The following MYH13 variants were observed in gnomAD, a reference collection of about 807,000 sequenced individuals.
The protein encoded by MYH13 is myosin-13.
Under a neutral mutation model 232.1 loss-of-function variants are expected in MYH13, and 177 were observed. The observed-to-expected ratio is 0.76, with a 90% CI of 0.67 to 0.86. MYH13 has a LOEUF of 0.86. Ranked by LOEUF, MYH13 falls within the 40% of genes least tolerant of loss-of-function variation. The probability of loss-of-function intolerance (pLI) is 0.00; values close to 1 mark genes in which losing one functional copy is unlikely to be tolerated. For missense variants in MYH13, 2,246 were observed against 2,405.9 expected (o/e 0.93, Z 1.39); for synonymous variants, 884 against 923.5 (o/e 0.96, Z 0.78).
rs750021880 is a variant in MYH13 at position 10,344,020 on chromosome 17, A to T, written c.1674T>A (p.His558Gln). 1.5e-5 allele frequency: 24 copies of T among 1,614,120 alleles called. No individual in the cohort carries two copies. The East Asian group carries it at 4.5e-4, about 30-fold the overall frequency. ...TCTGGAAGTTGTTGGATTTTCCAAG[A>T]TGCTGGTCATACAGCTTGTTCTTGA... ...TSFKNKLYDQHLGKSNNFQKP... is the reference protein window; with the variant it reads ...TSFKNKLYDQQLGKSNNFQKP... The change falls in exon 16 of 41, where the codon CAT becomes CAA. Residue 558 changes from histidine (H) to glutamine (Q), a missense_variant. Physicochemically the swap from His to Gln is conservative, Grantham distance 24 (BLOSUM62 0). Coordinates refer to ENST00000252172, the MANE Select transcript of MYH13 (RefSeq NM_003802.3).
chr17:10,349,748 A>G (rs1040564668), intron 12 of MYH13, among the ~76,000 whole-genome samples: 2 of 152,164 alleles, frequency 1.3e-5, no homozygotes, highest in Non-Finnish European at 2.9e-5. Context: ...GTTGGTAAGC[A>G]TTTATGGGAC....
chr17:10,364,596 G>T, intron 2 of MYH13, 54 bp from the exon 3 acceptor site: 1 of 1,441,068 alleles, frequency 6.9e-7, no homozygotes, highest in Non-Finnish European at 9.5e-7. Flanking sequence ...TGCTGAAGCT[G>T]CAGGGCCCCT....
chr17:10,361,121 G>A (rs879329444), intron 5 of MYH13, among the ~76,000 whole-genome samples: 1 of 152,134 alleles, frequency 6.6e-6, no homozygotes, highest in Non-Finnish European at 1.5e-5. Context: ...AGAAATTGTG[G>A]TATTAGTCTT....
At chr17:10,319,450 A>G (rs914472096) in intron 26 of MYH13, among the ~76,000 whole-genome samples, 22 of 151,356 alleles carry the variant, frequency 1.5e-4, no homozygotes, top group Admixed American at 2.7e-4. Flanking sequence ...TGGAGGTTGC[A>G]GTGAGCTGAG....
chr17:10,365,879 GTGTGTGTA>G (rs2071831708), intron 2 of MYH13, among the ~76,000 whole-genome samples: 1 of 145,456 alleles, frequency 6.9e-6, no homozygotes, highest in Admixed American at 6.8e-5. Context: ...GTGTGTGTGT[GTGTGTGTA>G]TGGGGCTGTG....
chr17:10,322,694 C>T (rs1053491668), intron 23 of MYH13, among the ~76,000 whole-genome samples: 46 of 137,290 alleles, frequency 3.4e-4, no homozygotes, highest in African/African-American at 5.2e-4. Flanking sequence ...AGTGCAGTGG[C>T]GCAGTCTCAG....
At chr17:10,366,148 A>G (rs1453305190) in intron 2 of MYH13, among the ~76,000 whole-genome samples, 1 of 151,960 alleles carries the variant, frequency 6.6e-6, no homozygotes, top group Non-Finnish European at 1.5e-5. Context: ...AGGTTCCCGT[A>G]AGTCCTGTGT....
At chr17:10,302,203 G>A (rs554533515) in intron 39 of MYH13, among the ~76,000 whole-genome samples, 3 of 152,240 alleles carry the variant, frequency 2.0e-5, no homozygotes, top group South Asian at 2.1e-4. Flanking sequence ...TCCCATGTGC[G>A]TGAATTGCTC....
At chr17:10,334,672 A>C (rs1907528538) in intron 18 of MYH13, among the ~76,000 whole-genome samples, 1 of 152,058 alleles carries the variant, frequency 6.6e-6, no homozygotes, top group Non-Finnish European at 1.5e-5. Flanking sequence ...TGAGGTCAGG[A>C]GTTCAAGACC....
At chr17:10,355,822 G>C (rs555828036) in intron 8 of MYH13, among the ~76,000 whole-genome samples, 1 of 102,878 alleles carries the variant, frequency 9.7e-6, no homozygotes, top group Non-Finnish European at 1.9e-5. Flanking sequence ...GGATTGTTCT[G>C]TCTGACTTTT....
chr17:10,344,734 T>G (rs949941046), intron 15 of MYH13, among the ~76,000 whole-genome samples: 3 of 147,932 alleles, frequency 2.0e-5, no homozygotes, highest in Non-Finnish European at 4.4e-5. Flanking sequence ...GGCAGGAGGA[T>G]CGCTTGAACC....
Position 10,306,878 on chromosome 17 carries a change from C to G in MYH13, c.5295+61G>C. Reference sequence around the variant, plus strand: ...ATGAAACATACTTGCCACACCCTGGCTCAGAGGCCCCACTTTCTCAGTTCC... The same window carrying G: ...ATGAAACATACTTGCCACACCCTGGGTCAGAGGCCCCACTTTCTCAGTTCC... On this transcript the variant is annotated intron_variant, in intron 36 of 40. Transcript: ENST00000252172. The surrounding 1 kb of genome is among the most constrained non-coding windows in gnomAD (Gnocchi z 4.3). 5.0e-6 allele frequency: 8 copies of G among 1,606,834 alleles called. No homozygotes were observed. The highest frequency in any genetic ancestry group is 6.8e-6 in the Non-Finnish European group (8 of 1,179,214).
intron 18 of MYH13, among the ~76,000 whole-genome samples, chr17:10,335,969 C>T (rs1432222631): frequency 6.6e-6 from 1 of 152,174 alleles, no homozygotes; most frequent in African/African-American, 2.4e-5. Flanking sequence ...GCCAGAGATG[C>T]CACCATGCTT....
Position 10,303,307 on chromosome 17 carries a change from A to C in MYH13, c.5572-16T>G. On this transcript the variant is annotated splice_polypyrimidine_tract_variant and intron_variant, in intron 38 of 40. Transcript: ENST00000252172. ...CCTCCTCAGCCTGCAAACAGAGTAC[A>C]CGTGGCAGGGGCCCGCAAACCTATG... The C allele has an allele frequency of 1.2e-6, 2 of 1,613,694 alleles. No individual in the cohort carries two copies. Among genetic ancestry groups the C allele is most frequent in the Non-Finnish European group, 1.7e-6 (2 of 1,179,648 alleles).
chr17:10,367,444 G>T (rs1021317732), intron 2 of MYH13, among the ~76,000 whole-genome samples: 18 of 152,098 alleles, frequency 1.2e-4, no homozygotes, highest in African/African-American at 2.2e-4. Context: ...CACCTCCCGG[G>T]TTCAAGTGAT....
chr17:10,357,719 T>C lies in MYH13; in HGVS notation c.738+16A>G, dbSNP rs1362929487. 6.2e-7 allele frequency: 1 copy of C among 1,610,334 alleles called. No homozygotes were observed. The highest frequency in any genetic ancestry group is 8.5e-7 in the Non-Finnish European group (1 of 1,177,272). ...ATGCTTTTGGGAGGATACTTGAAAA[T>C]TGGGCCGGATCTTACAAATCTTGAG... On this transcript the variant is annotated intron_variant, in intron 8 of 40. Transcript: ENST00000252172.
chr17:10,322,810 T>C (rs1907017106), intron 23 of MYH13, among the ~76,000 whole-genome samples: 1 of 151,990 alleles, frequency 6.6e-6, no homozygotes, highest in Non-Finnish European at 1.5e-5. Flanking sequence ...ATTTTTTGTA[T>C]TTTTAGTAGA....
chr17:10,309,750 C>A lies in MYH13; in HGVS notation c.4737G>T (p.Lys1579Asn), dbSNP rs768200909. 1 of 1,602,018 alleles carries A rather than the reference C, an allele frequency of 6.2e-7. No individual in the cohort carries two copies. Among genetic ancestry groups the A allele is most frequent in the African/African-American group, 1.3e-5 (1 of 74,878 alleles). ...LSQVKSELDR[K>N]VIEKDEEIEQ... ...CGATTTCTTCATCCTTCTCAATGAC[C>A]TTGCGGTCTAGCTCGGATTTCACCT... The change falls in exon 34 of 41, where the codon AAG becomes AAT. Residue 1579 changes from lysine (K) to asparagine (N), a missense_variant. Physicochemically the swap from Lys to Asn is moderately conservative, Grantham distance 94. Transcript: ENST00000252172.
intron 18 of MYH13, among the ~76,000 whole-genome samples, chr17:10,334,621 T>TGTAA (rs1488979377): frequency 6.6e-6 from 1 of 152,042 alleles, no homozygotes; most frequent in Non-Finnish European, 1.5e-5. Flanking sequence ...GGCTCATGCC[T>TGTAA]GTAATCACCG....
Sources: allele counts gnomAD v4.1 joint callset (sites outside exome capture counted in the v4.1 genomes callset), GRCh38; gene constraint gnomAD v4.1.1; non-coding constraint Gnocchi (gnomAD v3.1); transcripts MANE v1.5; gene names NCBI Gene and HGNC (gene_info 2026-07-23, HGNC 2026-07-21).